Variants in CREB1 observed in about 807,000 individuals in gnomAD.
CREB1 encodes the protein cyclic AMP-responsive element-binding protein 1.
A neutral mutation model predicts 42.0 loss-of-function variants in CREB1; 2 were observed. The ratio of observed to expected loss-of-function variants is 0.05; its 90% CI spans 0.02 to 0.15. CREB1 has a LOEUF of 0.15. Ranked by LOEUF, CREB1 falls within the 10% of genes least tolerant of loss-of-function variation. The pLI is 1.00. For synonymous variants in CREB1, 123 were observed against 139.9 expected (o/e 0.88, Z 0.85); for missense variants, 199 against 388.9 (o/e 0.51, Z 4.11).
chr2:207,561,966 AATC>A (rs1165946351), intron 3 of CREB1, among the ~76,000 whole-genome samples: 2 of 152,306 alleles, frequency 1.3e-5, no homozygotes, highest in Admixed American at 1.3e-4. Flanking sequence ...TTTTGTGTGA[AATC>A]ATCAGTTGGA....
chr2:207,553,247 T>C (rs2081586942), intron 1 of CREB1, among the ~76,000 whole-genome samples: 4 of 151,628 alleles, frequency 2.6e-5, no homozygotes, highest in South Asian at 4.2e-4. Flanking sequence ...TTTTATGTTT[T>C]TAGTAGAGAT....
chr2:207,573,224 T>C (rs2082441550), intron 5 of CREB1, among the ~76,000 whole-genome samples: 1 of 152,244 alleles, frequency 6.6e-6, no homozygotes, highest in African/African-American at 2.4e-5. Context: ...ATTTTTGTTT[T>C]AATGAATTGT....
chr2:207,553,612 A>C (rs1445276094), intron 1 of CREB1, among the ~76,000 whole-genome samples: 1 of 152,218 alleles, frequency 6.6e-6, no homozygotes, highest in East Asian at 1.9e-4. Context: ...TCTGGTGTTT[A>C]AAAAACTTTG....
At position 207,602,538 on chromosome 2, in the gene CREB1, C is replaced by T. The variant is rs2087256616; in HGVS notation, c.*5480C>T. On this transcript the variant is annotated 3_prime_UTR_variant, in exon 8 of 8. Coordinates refer to ENST00000353267, the MANE Select transcript of CREB1 (RefSeq NM_004379.5). The stretch of plus-strand genomic sequence containing the variant: ...CCAAGCTTTTGTCTGAGGAGCATCT[C>T]AGAGAAGTGAGAGTAAATCTGAGTT... The T allele has an allele frequency of 4.8e-6, 1 of 210,306 alleles. No individual in the cohort carries two copies. Among genetic ancestry groups the T allele is most frequent in the Admixed American group, 5.9e-5 (1 of 16,918 alleles). The allele number at this position is 210,306 out of a possible 1,614,324, so 13.0% of individuals were successfully genotyped here.
chr2:207,604,761 C>G lies in CREB1; in HGVS notation c.*7703C>G, dbSNP rs561132218. Among the ~76,000 whole-genome samples, 11 of 152,266 alleles carry G rather than the reference C, an allele frequency of 7.2e-5. 1 individual carries two copies. In the East Asian group the frequency reaches 1.9e-3, roughly 27 times the overall value. On this transcript the variant is annotated 3_prime_UTR_variant, in exon 8 of 8. Coordinates refer to ENST00000353267, the MANE Select transcript of CREB1 (RefSeq NM_004379.5). ...ATTTTCTCCTCCCACCGCCCTTGTC[C>G]CTGGCAACCACCAATCTGCTTCCTG... is the stretch of plus-strand genomic sequence containing the variant.
intron 1 of CREB1, among the ~76,000 whole-genome samples, chr2:207,551,650 T>A (rs2081507995): frequency 6.6e-6 from 1 of 152,188 alleles, no homozygotes; most frequent in African/African-American, 2.4e-5. Context: ...TGTATTAGTA[T>A]ATAGTAAAAG....
intron 3 of CREB1, among the ~76,000 whole-genome samples, chr2:207,562,670 T>G (rs2081998686): frequency 6.6e-6 from 1 of 152,212 alleles, no homozygotes; most frequent in African/African-American, 2.4e-5. Context: ...ATAGAATATC[T>G]ATTTTAATAG....
At chr2:207,531,599 T>TA (rs1292437622) in intron 1 of CREB1, among the ~76,000 whole-genome samples, 1 of 152,252 alleles carries the variant, frequency 6.6e-6, no homozygotes, top group Non-Finnish European at 1.5e-5. Flanking sequence ...TAGTAGAAGA[T>TA]ACTTTTGATT....
chr2:207,577,110 A>C lies in CREB1; in HGVS notation c.689-395A>C, dbSNP rs1391179451. On this transcript the variant is annotated intron_variant, in intron 6 of 7. Transcript: ENST00000353267. ...ATGGTCGTTTTTATGTCGTGGCAAG[A>C]GTCTACTTGAAATTTTTTAATATGA... 4.1e-6 allele frequency: 4 copies of C among 978,470 alleles called. No individual in the cohort carries two copies. In the East Asian group the frequency reaches 3.2e-4, roughly 78 times the overall value. 60.6% of individuals were successfully genotyped at this position (978,470 alleles called of 1,614,324 possible).
chr2:207,546,791 C>G (rs1184775103), intron 1 of CREB1, among the ~76,000 whole-genome samples: 1 of 151,870 alleles, frequency 6.6e-6, no homozygotes, highest in Non-Finnish European at 1.5e-5. Context: ...GTACTGTTGC[C>G]TGCATGCCAT....
intron 7 of CREB1, among the ~76,000 whole-genome samples, chr2:207,584,486 C>T (rs1009121168): frequency 6.6e-6 from 1 of 152,200 alleles, no homozygotes; most frequent in Non-Finnish European, 1.5e-5. Flanking sequence ...TCACTGTAAC[C>T]TCTGCCTCCT....
intron 1 of CREB1, among the ~76,000 whole-genome samples, chr2:207,554,078 A>T (rs1031312674): frequency 6.6e-6 from 1 of 152,120 alleles, no homozygotes. Context: ...GTTGAGCTAC[A>T]TCTCTGGATA....
chr2:207,585,190 G>A (rs1052702453), intron 7 of CREB1, among the ~76,000 whole-genome samples: 7 of 152,118 alleles, frequency 4.6e-5, no homozygotes, highest in Non-Finnish European at 2.9e-5. Flanking sequence ...TGCTGCCACC[G>A]TAAAGGCCTT....
At chr2:207,544,755 C>G (rs1425205036) in intron 1 of CREB1, among the ~76,000 whole-genome samples, 1 of 152,102 alleles carries the variant, frequency 6.6e-6, no homozygotes, top group Non-Finnish European at 1.5e-5. Flanking sequence ...GTGTTGTCCC[C>G]CCAACCACCG....
intron 7 of CREB1, among the ~76,000 whole-genome samples, chr2:207,596,563 A>G (rs2086206920): frequency 6.6e-6 from 1 of 152,188 alleles, no homozygotes; most frequent in South Asian, 2.1e-4. Context: ...CCTTCCAAGT[A>G]GCTGGGACTA....
At chr2:207,549,969 CAAAAA>C (rs879282723) in intron 1 of CREB1, among the ~76,000 whole-genome samples, 1 of 112,480 alleles carries the variant, frequency 8.9e-6, no homozygotes, top group Non-Finnish European at 1.9e-5. Context: ...GACTCCATCT[CAAAAA>C]AAAAAAAAAG....
intron 5 of CREB1, among the ~76,000 whole-genome samples, chr2:207,571,442 T>C (rs2082360154): frequency 6.6e-6 from 1 of 152,222 alleles, no homozygotes; most frequent in African/African-American, 2.4e-5. Context: ...CCATCTGTAT[T>C]AAAGACAAGT....
rs1183500612 is a variant in CREB1, at chr2:207,603,695, G to A, written c.*6637G>A. Among the ~76,000 whole-genome samples, 1 of 152,098 alleles carries A rather than the reference G, an allele frequency of 6.6e-6. No individual in the cohort carries two copies. The highest frequency in any genetic ancestry group is 6.5e-5 in the Admixed American group (1 of 15,276). On this transcript the variant is annotated 3_prime_UTR_variant, in exon 8 of 8. Transcript: ENST00000353267. The stretch of plus-strand genomic sequence containing the variant: ...GTCAAGATGACTAATGGAGACATAC[G>A]ACCAGCTGTGTCTGATGTCATAAAA...
chr2:207,536,797 C>A (rs1311826110), intron 1 of CREB1, among the ~76,000 whole-genome samples: 1 of 151,868 alleles, frequency 6.6e-6, no homozygotes, highest in Non-Finnish European at 1.5e-5. Flanking sequence ...TGAGACCAGC[C>A]TGGCCAAGAT....
Sources: gnomAD v4.1 joint callset for allele counts (sites outside exome capture counted in the v4.1 genomes callset) on GRCh38, gnomAD v4.1.1 for gene constraint, MANE v1.5 for transcripts, NCBI Gene and HGNC (gene_info 2026-07-23, HGNC 2026-07-21) for gene names.